The following CLTCL1 variants were observed in gnomAD, a reference collection of about 807,000 sequenced individuals.
CLTCL1 encodes the protein clathrin heavy chain like 1.
Under a neutral mutation model 190.0 loss-of-function variants are expected in CLTCL1, and 159 were observed. The observed-to-expected ratio is 0.84, with a 90% CI of 0.74 to 0.95. The LOEUF (loss-of-function observed/expected upper bound fraction) is 0.95, where lower values mean the gene tolerates loss of function less well. CLTCL1 is among the 40% of genes least tolerant of loss of function. The pLI, the probability that CLTCL1 is intolerant of heterozygous loss-of-function variation, is 0.00. For missense variants in CLTCL1, 1,878 were observed against 2,033.4 expected (o/e 0.92, Z 1.47); for synonymous variants, 752 against 769.6 (o/e 0.98, Z 0.38).
At position 19,196,413 on chromosome 22, in the gene CLTCL1, C is replaced by A. The variant is rs776070983; in HGVS notation, c.4044G>T (p.Val1348=). The A allele has an allele frequency of 6.2e-7, 1 of 1,613,922 alleles. No homozygotes were observed. Among genetic ancestry groups the A allele is most frequent in the Non-Finnish European group, 8.5e-7 (1 of 1,179,902 alleles). Residue 1348 remains valine, a splice_region_variant and synonymous_variant, in exon 26 of 33, where the codon GTG becomes GTT. Transcript: ENST00000427926. ...LFWSRVNIPK[V]LRAAEQAHLW... Reference sequence around the variant, plus strand: ...GGTGTGCCTGCTCTGCAGCCCTCAGCACCTGGACAAGGAGGTCAGGGTCGG... The same window carrying A: ...GGTGTGCCTGCTCTGCAGCCCTCAGAACCTGGACAAGGAGGTCAGGGTCGG...
chr22:19,235,975 T>G, intron 5 of CLTCL1, 106 bp from the exon 6 acceptor site: 2 of 1,074,990 alleles, frequency 1.9e-6, no homozygotes, highest in South Asian at 3.2e-5. Flanking sequence ...TTGTTTGTTT[T>G]TTGAGATAGG....
intron 3 of CLTCL1, among the ~76,000 whole-genome samples, chr22:19,247,814 G>T (rs1307375047): frequency 1.3e-5 from 2 of 151,984 alleles, no homozygotes; most frequent in East Asian, 3.9e-4. Context: ...TCCTGCCTTG[G>T]CCTCCCAAAG....
At position 19,274,791 on chromosome 22, in the gene CLTCL1, G is replaced by A. The variant is rs879947513; in HGVS notation, c.250+832C>T. The stretch of plus-strand genomic sequence containing the variant: ...GTTGTCCAGGCTGGAGTGCAATGGC[G>A]CGATCTCTGCTCACCGCAACCTCCA... On this transcript the variant is annotated intron_variant, in intron 2 of 32. Coordinates refer to ENST00000427926, the MANE Select transcript of CLTCL1 (RefSeq NM_007098.4). Among the ~76,000 whole-genome samples, 80 of 149,970 alleles carry A rather than the reference G, an allele frequency of 5.3e-4. 1 individual carries two copies. Among genetic ancestry groups the A allele is most frequent in the South Asian group, 1.9e-3 (9 of 4,766 alleles).
intron 22 of CLTCL1, among the ~76,000 whole-genome samples, chr22:19,203,296 C>A (rs1322719075): frequency 6.6e-6 from 1 of 152,158 alleles, no homozygotes; most frequent in Non-Finnish European, 1.5e-5. Context: ...GCTTGGGAGA[C>A]AAGAGTGAAA....
At chr22:19,278,694 T>A (rs2146318800) in intron 1 of CLTCL1, among the ~76,000 whole-genome samples, 1 of 152,240 alleles carries the variant, frequency 6.6e-6, no homozygotes, top group South Asian at 2.1e-4. Context: ...TACAACAACA[T>A]CCAAGGTCAT....
intron 5 of CLTCL1, among the ~76,000 whole-genome samples, chr22:19,236,360 G>A (rs982835583): frequency 6.6e-6 from 1 of 152,114 alleles, no homozygotes; most frequent in Admixed American, 6.6e-5. Flanking sequence ...CATAAGAGAA[G>A]GGGAAAGTTC....
At chr22:19,250,002 C>T (rs2086541969) in intron 3 of CLTCL1, 1 of 318,684 alleles carries the variant, frequency 3.1e-6, no homozygotes, top group African/African-American at 2.2e-5. Flanking sequence ...ACCTGTAATC[C>T]CAGAACTTTG....
intron 19 of CLTCL1, among the ~76,000 whole-genome samples, chr22:19,212,664 A>AAAAG (rs199927756): frequency 8.7e-5 from 13 of 150,040 alleles, no homozygotes; most frequent in East Asian, 2.0e-4. Flanking sequence ...AGAAAGAAAG[A>AAAAG]AAAGAAAGAA....
chr22:19,258,262 T>C (rs1383094554), intron 2 of CLTCL1: 6 of 351,460 alleles, frequency 1.7e-5, no homozygotes, highest in Non-Finnish European at 3.3e-5. Context: ...GGCAAGATCA[T>C]GGCAGATATC....
At chr22:19,287,797 G>T (rs1258961968) in intron 1 of CLTCL1, among the ~76,000 whole-genome samples, 2 of 152,096 alleles carry the variant, frequency 1.3e-5, no homozygotes, top group Non-Finnish European at 2.9e-5. Context: ...ATACACATCT[G>T]GGGAGAAAGG....
intron 10 of CLTCL1, 142 bp from the exon 11 acceptor site, chr22:19,230,117 GA>G: frequency 1.4e-6 from 1 of 718,700 alleles, no homozygotes; most frequent in South Asian, 2.0e-5. Flanking sequence ...TTTTTTTTGA[GA>G]TGGAGTCTCG....
At chr22:19,211,834 C>G (rs1373305569) in intron 19 of CLTCL1, among the ~76,000 whole-genome samples, 17 of 128,372 alleles carry the variant, frequency 1.3e-4, no homozygotes, top group African/African-American at 5.1e-4. Context: ...TTAAAAAAAA[C>G]TGAAGAAATC....
At chr22:19,209,745 G>A (rs1447693891) in intron 20 of CLTCL1, among the ~76,000 whole-genome samples, 4 of 152,224 alleles carry the variant, frequency 2.6e-5, no homozygotes, top group African/African-American at 9.6e-5. Flanking sequence ...AGCAGTTCAG[G>A]TGAGATGTCC....
chr22:19,196,607 C>A lies in CLTCL1; in HGVS notation c.3923G>T (p.Gly1308Val). The A allele has an allele frequency of 6.2e-7, 1 of 1,613,682 alleles. No homozygotes were observed. Among genetic ancestry groups the A allele is most frequent in the Non-Finnish European group, 8.5e-7 (1 of 1,179,778 alleles). The change falls in exon 25 of 33, where the codon GGC becomes GTC. Residue 1308 changes from glycine (G) to valine (V), a missense_variant. Gly to Val is a moderately radical substitution (Grantham distance 109, BLOSUM62 -3). Transcript: ENST00000427926. ...CATGCCCATGTGGGCCCGCTCCAGG[C>A]CCAGGGCCGCTTCCAACAGCAAGAT... ...ELILLLEAAL[G>V]LERAHMGMFT...
rs373225202 is a variant in CLTCL1 at position 19,196,624 on chromosome 22, C to T, written c.3906G>A (p.Leu1302=). ...GCTCCAGGCCCAGGGCCGCTTCCAA[C>T]AGCAAGATCAGCTCCTCAAAGTAGC... ...DRGYFEELIL[L]LEAALGLERA... The change falls in exon 25 of 33, where the codon CTG becomes CTA. Residue 1302 remains leucine, a synonymous_variant. Coordinates refer to ENST00000427926, the MANE Select transcript of CLTCL1 (RefSeq NM_007098.4). The T allele has an allele frequency of 3.7e-6, 6 of 1,613,524 alleles. No individual in the cohort carries two copies. Among genetic ancestry groups the T allele is most frequent in the Non-Finnish European group, 5.1e-6 (6 of 1,179,724 alleles).
chr22:19,221,507 CTGT>C lies in CLTCL1; in HGVS notation c.2663_2665del (p.Asn888del). The C allele has an allele frequency of 6.2e-7, 1 of 1,603,300 alleles. No homozygotes were observed. The highest frequency in any genetic ancestry group is 8.5e-7 in the Non-Finnish European group (1 of 1,174,792). ...ATTCTCTCTCAGGAAGCACTCGGGG[CTGT>C]TGTTGCTGTCGATGTAGATTTTAGC... On this transcript the variant is annotated inframe_deletion, in exon 17 of 33. Coordinates refer to ENST00000427926, the MANE Select transcript of CLTCL1 (RefSeq NM_007098.4).
At chr22:19,226,189 A>AT in intron 12 of CLTCL1, 30 bp downstream of exon 12, 2 of 1,606,414 alleles carry the variant, frequency 1.2e-6, no homozygotes, top group Non-Finnish European at 1.7e-6. Flanking sequence ...GACAACAGCC[A>AT]TAATAGGAGT....
intron 3 of CLTCL1, among the ~76,000 whole-genome samples, chr22:19,243,311 T>A (rs782721599): frequency 6.6e-6 from 1 of 152,122 alleles, no homozygotes; most frequent in African/African-American, 2.4e-5. Context: ...TTTCTGAAAT[T>A]TCTAAGTAGC....
intron 27 of CLTCL1, 37 bp downstream of exon 27, chr22:19,191,267 C>T: frequency 6.2e-7 from 1 of 1,613,352 alleles, no homozygotes; most frequent in Non-Finnish European, 8.5e-7. Context: ...AGAGCTAGCC[C>T]AATACACTCT....
Sources: gnomAD v4.1 joint callset for allele counts (sites outside exome capture counted in the v4.1 genomes callset) on GRCh38, gnomAD v4.1.1 for gene constraint, MANE v1.5 for transcripts, NCBI Gene and HGNC (gene_info 2026-07-23, HGNC 2026-07-21) for gene names.